ANKRD30BL: variants seen among roughly 807,000 people sequenced by gnomAD.
ANKRD30BL encodes putative ankyrin repeat domain-containing protein 30B-like.
In ANKRD30BL, 20 loss-of-function variants were observed where a neutral mutation model predicts 18.4. That is an observed-to-expected ratio of 1.09 (90% confidence interval 0.77 to 1.58). The LOEUF is 1.58. Among genes scored for constraint, ANKRD30BL ranks in the 40% most tolerant of loss-of-function variants. The probability of loss-of-function intolerance (pLI) is 0.00; values close to 1 mark genes in which losing one functional copy is unlikely to be tolerated. For missense variants in ANKRD30BL, 224 were observed against 268.6 expected (o/e 0.83, Z 1.16); for synonymous variants, 72 against 100.9 (o/e 0.71, Z 1.72).
At chr2:132,253,805 G>T (rs536277963) in intron 1 of ANKRD30BL, among the ~76,000 whole-genome samples, 4 of 151,958 alleles carry the variant, frequency 2.6e-5, no homozygotes, top group South Asian at 2.1e-4. Context: ...GGGCGGATGA[G>T]GGGGGTGGGA....
At chr2:132,154,321 G>A (rs977621137) in intron 4 of ANKRD30BL, among the ~76,000 whole-genome samples, 1 of 152,118 alleles carries the variant, frequency 6.6e-6, no homozygotes, top group African/African-American at 2.4e-5. Flanking sequence ...TACTATAAAG[G>A]TGTTAATCAT....
intron 1 of ANKRD30BL, among the ~76,000 whole-genome samples, chr2:132,168,190 T>C (rs1688221063): frequency 6.6e-6 from 1 of 152,210 alleles, no homozygotes; most frequent in African/African-American, 2.4e-5. Context: ...ATAGAATTGC[T>C]TTATCCCCCT....
intron 5 of ANKRD30BL, among the ~76,000 whole-genome samples, chr2:132,150,604 ATAAACT>A (rs1357979933): frequency 1.3e-5 from 2 of 151,876 alleles, no homozygotes; most frequent in Admixed American, 6.5e-5. Flanking sequence ...CATAAAATAG[ATAAACT>A]TAAAAATTGT....
rs1553470778 is a variant in ANKRD30BL, at chr2:132,173,056, T to TCTG, written n.442-15911_442-15910insCAG. Among the ~76,000 whole-genome samples the TCTG allele has an allele frequency of 7.4e-3, 1,120 of 152,142 alleles. 15 individuals are homozygous for TCTG. Among genetic ancestry groups the TCTG allele is most frequent in the African/African-American group, 0.024 (997 of 41,514 alleles). On this transcript the variant is annotated intron_variant and non_coding_transcript_variant, in intron 1 of 4. Transcript: ENST00000470729. ...TTTTACTTTTGATGAAACTAATTTT[T>TCTG]TTATTTTTTCATTCCCTGTACCTTT... is the stretch of plus-strand genomic sequence containing the variant.
chr2:132,172,465 C>G (rs1169172047), intron 1 of ANKRD30BL, among the ~76,000 whole-genome samples: 2 of 152,098 alleles, frequency 1.3e-5, no homozygotes, highest in African/African-American at 4.8e-5. Flanking sequence ...TTGTGTTTTT[C>G]TAATGCTAGT....
intron 1 of ANKRD30BL, among the ~76,000 whole-genome samples, chr2:132,185,437 TAA>T (rs1313464884): frequency 1.3e-5 from 2 of 152,174 alleles, no homozygotes; most frequent in Non-Finnish European, 2.9e-5. Flanking sequence ...AGTATTTTTC[TAA>T]TTAGAATAAT....
chr2:132,202,192 G>C (rs904370192), intron 1 of ANKRD30BL, among the ~76,000 whole-genome samples: 3 of 152,192 alleles, frequency 2.0e-5, no homozygotes, highest in Non-Finnish European at 2.9e-5. Context: ...CCTAATGCTA[G>C]ATGACGAGTT....
chr2:132,252,946 AC>A (rs1372689821), intron 1 of ANKRD30BL, among the ~76,000 whole-genome samples: 11 of 151,722 alleles, frequency 7.3e-5, no homozygotes, highest in African/African-American at 2.7e-4. Context: ...TCTCTTCCTC[AC>A]AGCCGGGAGC....
upstream of ANKRD30BL, among the ~76,000 whole-genome samples, chr2:132,166,626 C>T (rs1688191983): frequency 6.6e-6 from 1 of 152,026 alleles, no homozygotes; most frequent in South Asian, 2.1e-4. Context: ...TTAATGTCCA[C>T]AAAATCAGTA....
intron 1 of ANKRD30BL, among the ~76,000 whole-genome samples, chr2:132,208,269 C>T (rs577278868): frequency 6.6e-6 from 1 of 152,182 alleles, no homozygotes; most frequent in Admixed American, 6.6e-5. Flanking sequence ...TTTATGTTGC[C>T]TCTAACATTC....
At chr2:132,237,548 A>T (rs79232747) in intron 1 of ANKRD30BL, among the ~76,000 whole-genome samples, 1 of 151,946 alleles carries the variant, frequency 6.6e-6, no homozygotes, top group African/African-American at 2.4e-5. Context: ...GATTGGAAAC[A>T]CTCTTTTTGT....
At chr2:132,230,027 G>A (rs1464993425) in intron 1 of ANKRD30BL, among the ~76,000 whole-genome samples, 2 of 152,126 alleles carry the variant, frequency 1.3e-5, no homozygotes, top group Non-Finnish European at 2.9e-5. Context: ...TCAACTCACA[G>A]CGTTGAAACT....
intron 1 of ANKRD30BL, among the ~76,000 whole-genome samples, chr2:132,248,381 A>T (rs1210678497): frequency 6.6e-6 from 1 of 152,106 alleles, no homozygotes; most frequent in African/African-American, 2.4e-5. Flanking sequence ...ACTCTGTGAG[A>T]TGAATGCAAA....
At chr2:132,186,108 T>C (rs1053190462) in intron 1 of ANKRD30BL, among the ~76,000 whole-genome samples, 1 of 150,348 alleles carries the variant, frequency 6.7e-6, no homozygotes, top group African/African-American at 2.5e-5. Context: ...CCAACCTGGG[T>C]GACAGAGCAA....
intron 1 of ANKRD30BL, among the ~76,000 whole-genome samples, chr2:132,216,279 T>G (rs1284707752): frequency 6.6e-6 from 1 of 152,096 alleles, no homozygotes; most frequent in African/African-American, 2.4e-5. Context: ...TTGAGCAGTC[T>G]TGAAACTCTC....
At chr2:132,222,829 C>CAAGAAA (rs1558942311) in intron 1 of ANKRD30BL, among the ~76,000 whole-genome samples, 1 of 4,102 alleles carries the variant, frequency 2.4e-4, no homozygotes, top group Non-Finnish European at 7.7e-4. Context: ...CAAGAATGAT[C>CAAGAAA]AATAAAAAAA....
At chr2:132,255,518 C>G (rs556521966) in intron 1 of ANKRD30BL, among the ~76,000 whole-genome samples, 3 of 151,846 alleles carry the variant, frequency 2.0e-5, no homozygotes, top group Non-Finnish European at 2.9e-5. Context: ...GATTCAACTA[C>G]GAGCTTTTTA....
At chr2:132,179,820 T>G (rs941733828) in intron 1 of ANKRD30BL, among the ~76,000 whole-genome samples, 1 of 152,072 alleles carries the variant, frequency 6.6e-6, no homozygotes, top group Admixed American at 6.6e-5. Context: ...TAAACTAATG[T>G]GCATGTTTGT....
chr2:132,167,951 T>C (rs546799974), intron 1 of ANKRD30BL, among the ~76,000 whole-genome samples: 1 of 152,332 alleles, frequency 6.6e-6, no homozygotes, highest in South Asian at 2.1e-4. Flanking sequence ...TAAACAGTTA[T>C]CTTATGGGTC....
Sources: gnomAD v4.1 joint callset for allele counts (sites outside exome capture counted in the v4.1 genomes callset) on GRCh38, gnomAD v4.1.1 for gene constraint, MANE v1.5 for transcripts, NCBI Gene and HGNC (gene_info 2026-07-23, HGNC 2026-07-21) for gene names.